The following MAP2 variants were observed in gnomAD, a reference collection of about 807,000 sequenced individuals.
The protein encoded by MAP2 is microtubule-associated protein 2.
MAP2 carries 14 observed loss-of-function variants against 137.6 expected under a neutral mutation model. That is an observed-to-expected ratio of 0.10 (90% CI 0.07 to 0.16). MAP2 has a LOEUF of 0.16. MAP2 is among the 10% of genes least tolerant of loss of function. MAP2 has a pLI of 1.00. For missense variants in MAP2, 2,088 were observed against 2,191.5 expected, an observed-to-expected ratio of 0.95 and a Z score of 0.94; for synonymous variants, 786 against 782.3, an observed-to-expected ratio of 1.00 and a Z score of -0.08.
chr2:209,696,545 A>T lies in MAP2; in HGVS notation c.4184A>T (p.Asp1395Val). 1.2e-6 allele frequency: 2 copies of T among 1,609,102 alleles called. No homozygotes were observed. The highest frequency in any genetic ancestry group is 1.7e-4 in the Middle Eastern group (1 of 6,038). ...CATGATTTGCTTTGATCCACAGATG[A>T]TGATAGGAGCATCATGACAGAACAG... Reference protein sequence around the residue: ...ADSLWVDTQDDDRSIMTEQLE... With the variant: ...ADSLWVDTQDVDRSIMTEQLE... The change falls in exon 9 of 16, where the codon GAT becomes GTT. Residue 1395 changes from aspartate to valine, a missense_variant. Asp to Val is a radical substitution (Grantham distance 152, BLOSUM62 -3). Around this residue, in one of 6 missense-constraint regions of MAP2, gnomAD observed 591 missense variants for 642.6 expected, o/e 0.92. Coordinates refer to ENST00000682079, the MANE Select transcript of MAP2 (RefSeq NM_001375505.1).
intron 1 of MAP2, among the ~76,000 whole-genome samples, chr2:209,454,115 A>G (rs1258892270): frequency 2.3e-5 from 3 of 128,558 alleles, no homozygotes; most frequent in Non-Finnish European, 3.1e-5. Flanking sequence ...CGCGCTCTGC[A>G]CTCCATCCCG....
At chr2:209,573,109 A>C (rs1292423750) in intron 2 of MAP2, among the ~76,000 whole-genome samples, 1 of 152,196 alleles carries the variant, frequency 6.6e-6, no homozygotes, top group Non-Finnish European at 1.5e-5. Context: ...GCCTCAAAAA[A>C]ATGAATAGCT....
intron 2 of MAP2, among the ~76,000 whole-genome samples, chr2:209,571,067 G>A (rs144187997): frequency 3.9e-5 from 6 of 151,948 alleles, no homozygotes; most frequent in African/African-American, 1.4e-4. Flanking sequence ...AGGAGAATGT[G>A]CCCTTACAAT....
chr2:209,666,836 C>T (rs1037754167), intron 5 of MAP2, among the ~76,000 whole-genome samples: 1 of 151,670 alleles, frequency 6.6e-6, no homozygotes, highest in East Asian at 1.9e-4. Flanking sequence ...AAAAACTCCC[C>T]CAAATTATAC....
At chr2:209,512,873 C>T (rs13027599) in intron 2 of MAP2, among the ~76,000 whole-genome samples, 1 of 152,034 alleles carries the variant, frequency 6.6e-6, no homozygotes, top group Non-Finnish European at 1.5e-5. Context: ...TGGTCTTGAT[C>T]TGACATGAAG....
chr2:209,614,565 C>T (rs142871934), intron 3 of MAP2, among the ~76,000 whole-genome samples: 3 of 151,994 alleles, frequency 2.0e-5, no homozygotes, highest in African/African-American at 7.3e-5. Context: ...CATTATAGAT[C>T]GAGATATATT....
Position 209,710,220 on chromosome 2 carries a change from C to T in MAP2, c.5039C>T (p.Thr1680Ile). 1 of 1,594,792 alleles carries T rather than the reference C, an allele frequency of 6.3e-7. No individual in the cohort carries two copies. The highest frequency in any genetic ancestry group is 1.8e-5 in the Admixed American group (1 of 56,544). ...LKNVKSKIGS[T>I]DNIKYQPKGG... Reference sequence around the variant, plus strand: ...AATGTCAAATCCAAAATCGGATCAACAGACAACATCAAATACCAGCCTAAA... The same window carrying T: ...AATGTCAAATCCAAAATCGGATCAATAGACAACATCAAATACCAGCCTAAA... Residue 1680 changes from threonine (T) to isoleucine (I), a missense_variant, in exon 13 of 16, where the codon ACA (threonine) becomes ATA (isoleucine). Physicochemically the swap from Thr to Ile is moderately conservative, Grantham distance 89. Transcript: ENST00000682079.
chr2:209,694,390 T>C lies in MAP2; in HGVS notation c.2220T>C (p.Asp740=), dbSNP rs1361849327. Residue 740 remains aspartate (D), a synonymous_variant, in exon 8 of 16, where the codon GAT becomes GAC. Transcript: ENST00000682079. ...TAACCAACACTAGTGGAAGTATGGATGAAGGGGATGATTACCTTCCAGCCA... is the reference window on the plus strand; with the variant it reads ...TAACCAACACTAGTGGAAGTATGGACGAAGGGGATGATTACCTTCCAGCCA... The part of the protein sequence containing the change: ...DILTNTSGSM[D]EGDDYLPATT... 1 of 1,614,104 alleles carries C rather than the reference T, an allele frequency of 6.2e-7. No individual in the cohort carries two copies. The highest frequency in any genetic ancestry group is 1.7e-5 in the Admixed American group (1 of 60,010).
intron 1 of MAP2, among the ~76,000 whole-genome samples, chr2:209,474,188 T>A (rs182672262): frequency 6.6e-6 from 1 of 152,328 alleles, no homozygotes; most frequent in East Asian, 1.9e-4. Context: ...CAAAGCAATT[T>A]TGGCTACAAC....
At chr2:209,443,598 A>G (rs537505129) in intron 1 of MAP2, among the ~76,000 whole-genome samples, 6 of 151,586 alleles carry the variant, frequency 4.0e-5, no homozygotes, top group Non-Finnish European at 8.9e-5. Flanking sequence ...CACTTGTTCC[A>G]TTATTACACC....
At chr2:209,515,395 G>C (rs569128548) in intron 2 of MAP2, among the ~76,000 whole-genome samples, 1 of 152,210 alleles carries the variant, frequency 6.6e-6, no homozygotes, top group East Asian at 1.9e-4. Context: ...ATAAGGAAAA[G>C]AGGTTTAATT....
chr2:209,577,567 C>T (rs996364045), intron 2 of MAP2, among the ~76,000 whole-genome samples: 1 of 152,084 alleles, frequency 6.6e-6, no homozygotes, highest in Non-Finnish European at 1.5e-5. Context: ...ATTTTGCGCC[C>T]TCCAGTGGTT....
At chr2:209,434,236 A>G (rs1468286921) in intron 1 of MAP2, among the ~76,000 whole-genome samples, 2 of 152,008 alleles carry the variant, frequency 1.3e-5, no homozygotes, top group Non-Finnish European at 2.9e-5. Context: ...CTTTGCAGAC[A>G]TTTGATTTAT....
At chr2:209,700,057 A>G (rs1465386333) in intron 10 of MAP2, among the ~76,000 whole-genome samples, 1 of 152,226 alleles carries the variant, frequency 6.6e-6, no homozygotes, top group Non-Finnish European at 1.5e-5. Context: ...ACTTTGGTAG[A>G]CAATGGGTTA....
intron 1 of MAP2, among the ~76,000 whole-genome samples, chr2:209,471,076 A>G (rs187293223): frequency 2.3e-3 from 352 of 152,298 alleles, no homozygotes; most frequent in Non-Finnish European, 3.7e-3. Flanking sequence ...AAGGTTCTGC[A>G]TGGTCTGACT....
At chr2:209,589,771 G>A (rs1340402121) in intron 3 of MAP2, among the ~76,000 whole-genome samples, 1 of 152,170 alleles carries the variant, frequency 6.6e-6, no homozygotes, top group African/African-American at 2.4e-5. Flanking sequence ...AGAATTTTAA[G>A]CGAATGGTAA....
intron 3 of MAP2, among the ~76,000 whole-genome samples, chr2:209,598,018 T>G (rs575340973): frequency 2.2e-4 from 34 of 152,118 alleles, no homozygotes; most frequent in Non-Finnish European, 4.4e-4. Flanking sequence ...TTTATTTATT[T>G]TTTTTGAGAC....
chr2:209,665,996 A>G (rs912316847), intron 5 of MAP2, among the ~76,000 whole-genome samples: 2 of 152,198 alleles, frequency 1.3e-5, no homozygotes, highest in African/African-American at 4.8e-5. Flanking sequence ...ACTTACTTTT[A>G]TAACCACTTT....
At chr2:209,502,999 C>CTTTTTTT (rs71043931) in intron 1 of MAP2, among the ~76,000 whole-genome samples, 6 of 131,334 alleles carry the variant, frequency 4.6e-5, no homozygotes, top group Admixed American at 8.2e-5. Flanking sequence ...GATTTTTTTT[C>CTTTTTTT]TTTTTTTTTT....
Sources: gnomAD v4.1 joint callset for allele counts (sites outside exome capture counted in the v4.1 genomes callset) on GRCh38, gnomAD v4.1.1 for gene constraint, gnomAD v4.1.1 regional missense constraint, MANE v1.5 for transcripts, NCBI Gene and HGNC (gene_info 2026-07-23, HGNC 2026-07-21) for gene names.